The following ALG14 variants were observed in gnomAD, a reference collection of about 807,000 sequenced individuals.
ALG14 encodes ALG14 UDP-N-acetylglucosaminyltransferase subunit, also known as UDP-N-acetylglucosamine transferase subunit ALG14.
In ALG14, 17 loss-of-function variants were observed where a neutral mutation model predicts 22.8. That is an observed-to-expected ratio of 0.75 (90% CI 0.51 to 1.12). The LOEUF (loss-of-function observed/expected upper bound fraction) is 1.12. Among genes scored for constraint, ALG14 ranks in the 50% most tolerant of loss-of-function variants. The pLI, the probability that ALG14 is intolerant of heterozygous loss-of-function variation, is 0.00. For synonymous variants in ALG14, 89 were observed against 103.7 expected (o/e 0.86, Z 0.86); for missense variants, 288 against 271.8 (o/e 1.06, Z -0.42).
At chr1:95,061,201 G>T (rs772897982) in intron 2 of ALG14, among the ~76,000 whole-genome samples, 24 of 152,058 alleles carry the variant, frequency 1.6e-4, no homozygotes, top group African/African-American at 5.8e-4. Flanking sequence ...ATACATTTCT[G>T]TTATTTTAAG....
intron 3 of ALG14, among the ~76,000 whole-genome samples, chr1:95,005,361 G>T (rs568304847): frequency 6.8e-6 from 1 of 147,356 alleles, no homozygotes; most frequent in East Asian, 1.9e-4. Flanking sequence ...GGAGGCAGGA[G>T]CAAGGTAATG....
intron 3 of ALG14, among the ~76,000 whole-genome samples, chr1:95,016,538 A>G (rs1673500479): frequency 6.6e-6 from 1 of 152,194 alleles, no homozygotes; most frequent in African/African-American, 2.4e-5. Flanking sequence ...CAAGATATAA[A>G]TATAAATTTA....
chr1:95,026,545 C>T (rs992433648), intron 3 of ALG14, among the ~76,000 whole-genome samples: 1 of 151,320 alleles, frequency 6.6e-6, no homozygotes, highest in Non-Finnish European at 1.5e-5. Context: ...GCTGTTGGAG[C>T]AGTCAGAACA....
At chr1:94,991,336 G>A (rs895827833) in intron 3 of ALG14, among the ~76,000 whole-genome samples, 1 of 152,162 alleles carries the variant, frequency 6.6e-6, no homozygotes, top group Admixed American at 6.6e-5. Flanking sequence ...ACATCACACG[G>A]TATACTTATA....
Position 95,064,893 on chromosome 1 carries a change from A to T in ALG14, c.261T>A (p.Asp87Glu). 1.9e-6 allele frequency: 3 copies of T among 1,613,970 alleles called. No individual in the cohort carries two copies. Among genetic ancestry groups the T allele is most frequent in the Non-Finnish European group, 2.5e-6 (3 of 1,179,888 alleles). ...TGTTACTAGGGTCTCTATCAGCTCG[A>T]TCTAGTTCAAAAGAATTTATTTTAT... ...SANKINSFEL[D>E]RADRDPSNMY... is the part of the protein sequence containing the mutation. Residue 87 changes from aspartate (D) to glutamate (E), a missense_variant, in exon 2 of 4, where the codon GAT becomes GAA. Asp to Glu is a conservative substitution (Grantham distance 45). Coordinates refer to ENST00000370205, the MANE Select transcript of ALG14 (RefSeq NM_144988.4).
In ALG14 at chr1:94,990,125, A is replaced by G. The variant is rs138213950; in HGVS notation, c.421-6819T>C. Among the ~76,000 whole-genome samples, 19 of 152,342 alleles carry G rather than the reference A, an allele frequency of 1.2e-4. No homozygotes were observed. The East Asian group carries it at 3.7e-3, about 29-fold the overall frequency. ...AGTGGGACAAAAGCCTCAGGCAACT[A>G]GAAAGAGAAGAATCTGAGAGTAATC... On this transcript the variant is annotated intron_variant, in intron 3 of 3. Coordinates refer to ENST00000370205, the MANE Select transcript of ALG14 (RefSeq NM_144988.4).
At chr1:95,022,841 C>G (rs369975356) in intron 3 of ALG14, among the ~76,000 whole-genome samples, 7 of 152,182 alleles carry the variant, frequency 4.6e-5, no homozygotes, top group South Asian at 2.1e-4. Context: ...TTTTGATCAC[C>G]ACCAAATATA....
chr1:95,061,304 C>T (rs1449490311), intron 2 of ALG14, among the ~76,000 whole-genome samples: 2 of 152,190 alleles, frequency 1.3e-5, no homozygotes, highest in African/African-American at 4.8e-5. Flanking sequence ...AACGAAATCA[C>T]TTTGGCTTAT....
chr1:94,995,769 C>A (rs528476108), intron 3 of ALG14, among the ~76,000 whole-genome samples: 1 of 152,300 alleles, frequency 6.6e-6, no homozygotes, highest in East Asian at 1.9e-4. Flanking sequence ...ACTAAGCAGT[C>A]AAGGTCTGCC....
At chr1:95,025,147 C>G (rs1036485672) in intron 3 of ALG14, among the ~76,000 whole-genome samples, 1 of 152,144 alleles carries the variant, frequency 6.6e-6, no homozygotes, top group African/African-American at 2.4e-5. Flanking sequence ...TATTAATCTC[C>G]TTGTATATCT....
intron 3 of ALG14, among the ~76,000 whole-genome samples, chr1:95,020,067 A>G (rs1055746028): frequency 1.3e-5 from 2 of 151,970 alleles, no homozygotes; most frequent in African/African-American, 4.8e-5. Flanking sequence ...AAAATACAAA[A>G]GTTAGCTGGG....
chr1:95,028,157 G>GC (rs1553228348), intron 2 of ALG14, among the ~76,000 whole-genome samples: 2 of 151,156 alleles, frequency 1.3e-5, no homozygotes, highest in Non-Finnish European at 3.0e-5. Context: ...TGTTAGTTTG[G>GC]TTTTTTTTTG....
intron 2 of ALG14, chr1:95,035,886 G>T (rs941013292): frequency 1.3e-5 from 2 of 152,128 alleles, no homozygotes; most frequent in African/African-American, 2.4e-5. Flanking sequence ...AAAAGTCCTG[G>T]AAACAAGACA....
chr1:94,998,003 GA>G (rs1176001872), intron 3 of ALG14, among the ~76,000 whole-genome samples: 2 of 152,134 alleles, frequency 1.3e-5, no homozygotes. Flanking sequence ...GGTTCTCATT[GA>G]AGAGCCTTTT....
At chr1:95,055,082 A>G (rs1674882650) in intron 2 of ALG14, among the ~76,000 whole-genome samples, 1 of 152,248 alleles carries the variant, frequency 6.6e-6, no homozygotes, top group South Asian at 2.1e-4. Flanking sequence ...ATTTGATAAA[A>G]ATCAACAACC....
chr1:95,005,499 C>G (rs1673193043), intron 3 of ALG14, among the ~76,000 whole-genome samples: 1 of 152,004 alleles, frequency 6.6e-6, no homozygotes, highest in African/African-American at 2.4e-5. Context: ...ATTTAGGCCT[C>G]AAAATTAAGG....
intron 3 of ALG14, among the ~76,000 whole-genome samples, chr1:95,015,775 G>C (rs775508068): frequency 2.0e-5 from 3 of 152,188 alleles, no homozygotes; most frequent in Non-Finnish European, 2.9e-5. Flanking sequence ...AATAATCCTT[G>C]GTTGTTTCCA....
In ALG14 at chr1:94,976,037, A is replaced by G. The variant is rs891900089; in HGVS notation, c.*7039T>C. The stretch of plus-strand genomic sequence containing the variant: ...GTCTCAAAAAAAAAAAAAAAAAAAA[A>G]AAAGAAAGAAGAGCCTCCTTAACAC... On this transcript the variant is annotated 3_prime_UTR_variant, in exon 4 of 4. Coordinates refer to ENST00000370205, the MANE Select transcript of ALG14 (RefSeq NM_144988.4). The G allele has an allele frequency of 1.3e-4, 20 of 151,514 alleles. No individual in the cohort carries two copies. The highest frequency in any genetic ancestry group is 2.2e-4 in the African/African-American group (9 of 41,102). 9.4% of individuals were successfully genotyped at this position (151,514 alleles called of 1,614,324 possible). A position where few individuals can be genotyped will look rare whatever the true frequency, so the allele number is the denominator to read the frequency against.
rs753379678 is a variant in ALG14, at chr1:95,005,847, C to T, written c.420+21282G>A. On this transcript the variant is annotated intron_variant, in intron 3 of 3. Transcript: ENST00000370205. ...CCAGGGATATGGACATTCTGCAATA[C>T]TTGGGACTGTCTTACATCCCTCTTG... Among the ~76,000 whole-genome samples the T allele has an allele frequency of 1.9e-4, 29 of 152,272 alleles. No homozygotes were observed. In the Middle Eastern group the frequency reaches 0.017, roughly 89 times the overall value.
Sources: allele counts gnomAD v4.1 joint callset (sites outside exome capture counted in the v4.1 genomes callset), GRCh38; gene constraint gnomAD v4.1.1; transcripts MANE v1.5; gene names NCBI Gene and HGNC (gene_info 2026-07-23, HGNC 2026-07-21).